B4GALNT2: variants seen among roughly 807,000 people sequenced by gnomAD.
The protein encoded by B4GALNT2 is beta-1,4-N-acetyl-galactosaminyltransferase 2 (SID blood group), also known as N-acetylneuraminylgalactosylglucosyl-glucoside beta-1,4-N- acetylgalactosaminyltransferase 2.
Under a neutral mutation model 51.1 loss-of-function variants are expected in B4GALNT2, and 42 were observed. That is an observed-to-expected ratio of 0.82 (90% CI 0.64 to 1.06). The LOEUF is 1.06. Among genes scored for constraint, B4GALNT2 ranks in the 50% least tolerant of loss-of-function variants. The pLI is 0.00. For synonymous variants in B4GALNT2, 253 were observed against 251.7 expected (o/e 1.01, Z -0.05); for missense variants, 602 against 633.6 (o/e 0.95, Z 0.54).
intron 7 of B4GALNT2, among the ~76,000 whole-genome samples, chr17:49,163,756 CAAAAA>C (rs10589274): frequency 2.2e-5 from 2 of 91,128 alleles, no homozygotes. Context: ...AACTCCGTAT[CAAAAA>C]AAAAAAAAAA....
intron 1 of B4GALNT2, among the ~76,000 whole-genome samples, chr17:49,140,406 G>A (rs926897972): frequency 3.3e-5 from 5 of 152,128 alleles, no homozygotes; most frequent in South Asian, 4.1e-4. Context: ...GGCATATGTG[G>A]CCAATTTTTA....
intron 3 of B4GALNT2, among the ~76,000 whole-genome samples, chr17:49,152,295 CT>C (rs1214821485): frequency 6.6e-6 from 1 of 152,150 alleles, no homozygotes; most frequent in African/African-American, 2.4e-5. Context: ...GGAGGACTGC[CT>C]GAGCCAGGGA....
the B4GALNT2 span, among the ~76,000 whole-genome samples, chr17:49,125,839 C>CCT: frequency 1.6e-5 from 2 of 128,794 alleles, no homozygotes; most frequent in Admixed American, 1.6e-4. Flanking sequence ...GTGAGGAGCC[C>CCT]CTCTGCCCGG....
intron 8 of B4GALNT2, 63 bp downstream of exon 8, chr17:49,164,338 T>G (rs2042891973): frequency 4.7e-6 from 7 of 1,474,940 alleles, no homozygotes; most frequent in Non-Finnish European, 6.6e-6. Flanking sequence ...AGGGTCAGGT[T>G]CTACCCTGGA....
In B4GALNT2 at chr17:49,173,176, C is replaced by A. The variant is rs1242143056; in HGVS notation, c.*3448C>A. ...TAATGTGAGTGATGTAAAAAGGATGCATTCTACTCCTGACTGCTGTTTGCA... is the reference window on the plus strand; with the variant it reads ...TAATGTGAGTGATGTAAAAAGGATGAATTCTACTCCTGACTGCTGTTTGCA... On this transcript the variant is annotated 3_prime_UTR_variant, in exon 11 of 11. Coordinates refer to ENST00000393354, the MANE Select transcript of B4GALNT2 (RefSeq NM_001159387.2). 1 of 152,216 alleles carries A rather than the reference C, an allele frequency of 6.6e-6. No homozygotes were observed. Among genetic ancestry groups the A allele is most frequent in the Non-Finnish European group, 1.5e-5 (1 of 68,038 alleles). 9.4% of individuals were successfully genotyped at this position (152,216 alleles called of 1,614,324 possible).
intron 1 of B4GALNT2, chr17:49,133,148 C>G: frequency 6.5e-7 from 1 of 1,527,674 alleles, no homozygotes; most frequent in African/African-American, 1.4e-5. Context: ...TCGGGGCTCT[C>G]TGCTTGGAAC....
chr17:49,149,699 A>G (rs1384842824), intron 3 of B4GALNT2, among the ~76,000 whole-genome samples: 1 of 152,324 alleles, frequency 6.6e-6, no homozygotes, highest in Non-Finnish European at 1.5e-5. Flanking sequence ...AACAATGCTG[A>G]AATGAACATT....
chr17:49,168,380 G>C (rs1271219674), intron 9 of B4GALNT2, among the ~76,000 whole-genome samples: 1 of 152,200 alleles, frequency 6.6e-6, no homozygotes, highest in East Asian at 1.9e-4. Context: ...TCTCCCAGTG[G>C]AAGGGAGTGA....
rs780155086 is a variant in B4GALNT2, at chr17:49,142,031, T to A, written c.216-4T>A. On this transcript the variant is annotated splice_region_variant and splice_polypyrimidine_tract_variant and intron_variant, in intron 2 of 10. Transcript: ENST00000393354. ...CATGTTTACAGTCCTCTTGCTTGTT[T>A]CAGGCTGTTCCCGAAAAATCAGTGC... is the stretch of plus-strand genomic sequence containing the variant. The A allele has an allele frequency of 3.1e-6, 5 of 1,613,946 alleles. No homozygotes were observed. The highest frequency in any genetic ancestry group is 4.2e-6 in the Non-Finnish European group (5 of 1,180,040).
rs111210661 is a variant in B4GALNT2, at chr17:49,165,530, C to T, written c.955-584C>T. Among the ~76,000 whole-genome samples the T allele has an allele frequency of 7.9e-4, 84 of 106,362 alleles. 1 individual carries two copies. The highest frequency in any genetic ancestry group is 3.0e-3 in the African/African-American group (81 of 26,682). 69.8% of individuals were successfully genotyped at this position (106,362 alleles called of 152,430 possible). ...TGTCTCTCTCACTCCCCACTCTCTC[C>T]TTCTCTCTCCCTCTCTTCTTCCCAC... On this transcript the variant is annotated intron_variant, in intron 8 of 10. Coordinates refer to ENST00000393354, the MANE Select transcript of B4GALNT2 (RefSeq NM_001159387.2).
chr17:49,121,799 C>A, the B4GALNT2 span, among the ~76,000 whole-genome samples: 8 of 152,190 alleles, frequency 5.3e-5, no homozygotes, highest in Non-Finnish European at 1.2e-4. Context: ...GTGTGATGCA[C>A]ACAGGCTGGA....
intron 1 of B4GALNT2, chr17:49,133,299 C>G: frequency 1.4e-6 from 2 of 1,399,266 alleles, no homozygotes; most frequent in Non-Finnish European, 1.8e-6. Flanking sequence ...CCACAGTCCG[C>G]GCGGAGTCAG....
At chr17:49,125,263 G>A in the B4GALNT2 span, among the ~76,000 whole-genome samples, 8 of 152,226 alleles carry the variant, frequency 5.3e-5, no homozygotes, top group East Asian at 1.2e-3. Context: ...GGGTTCAAGC[G>A]ATTCTCCTGC....
chr17:49,152,551 CTATAA>C (rs1234729751), intron 3 of B4GALNT2, among the ~76,000 whole-genome samples: 1 of 152,204 alleles, frequency 6.6e-6, no homozygotes, highest in Non-Finnish European at 1.5e-5. Context: ...AGGCGCACTC[CTATAA>C]TCCCAGCTAC....
At chr17:49,132,723 G>A, upstream of B4GALNT2, 1 of 1,380,080 alleles carries the variant, frequency 7.2e-7, no homozygotes, top group Non-Finnish European at 9.4e-7. Flanking sequence ...TCGGTGCCAG[G>A]GCGGGGCAGT....
chr17:49,129,245 C>T (rs576086659), upstream of B4GALNT2, among the ~76,000 whole-genome samples: 1 of 151,894 alleles, frequency 6.6e-6, no homozygotes, highest in South Asian at 2.1e-4. Flanking sequence ...GGGGAGAAAG[C>T]GAAATACCTG....
intron 9 of B4GALNT2, among the ~76,000 whole-genome samples, chr17:49,167,195 G>A (rs901636888): frequency 1.3e-5 from 2 of 152,204 alleles, no homozygotes; most frequent in African/African-American, 4.8e-5. Flanking sequence ...CACACTGGCA[G>A]CTGAGTTGGC....
chr17:49,171,573 G>A lies in B4GALNT2; in HGVS notation c.*1845G>A. The A allele has an allele frequency of 2.4e-6, 1 of 421,964 alleles. No individual in the cohort carries two copies. The highest frequency in any genetic ancestry group is 1.7e-5 in the South Asian group (1 of 58,222). 26.1% of individuals were successfully genotyped at this position (421,964 alleles called of 1,614,324 possible). On this transcript the variant is annotated 3_prime_UTR_variant, in exon 11 of 11. Coordinates refer to ENST00000393354, the MANE Select transcript of B4GALNT2 (RefSeq NM_001159387.2). ...TTCTACAGTGGACCATATCATTTGA[G>A]GTTGAGGTGCCACTATACCGCCACG...
chr17:49,176,157 C>T lies in B4GALNT2; in HGVS notation c.*6429C>T, dbSNP rs1484746039. 2 of 152,214 alleles carry T rather than the reference C, an allele frequency of 1.3e-5. No homozygotes were observed. Among genetic ancestry groups the T allele is most frequent in the Admixed American group, 1.3e-4 (2 of 15,278 alleles). 9.4% of individuals were successfully genotyped at this position (152,214 alleles called of 1,614,324 possible). A position where few individuals can be genotyped will look rare whatever the true frequency, so the allele number is the denominator to read the frequency against. ...GTTCCACATTCTCCAACCATCACTC[C>T]AGCGACCCTTCAACTGGGGTTCAAG... On this transcript the variant is annotated 3_prime_UTR_variant, in exon 11 of 11. Coordinates refer to ENST00000393354, the MANE Select transcript of B4GALNT2 (RefSeq NM_001159387.2).
Sources: allele counts gnomAD v4.1 joint callset (sites outside exome capture counted in the v4.1 genomes callset), GRCh38; gene constraint gnomAD v4.1.1; transcripts MANE v1.5; gene names NCBI Gene and HGNC (gene_info 2026-07-23, HGNC 2026-07-21).